The following PRUNE2 variants were observed in gnomAD, a reference collection of about 807,000 sequenced individuals.
PRUNE2 encodes the protein prune homolog 2 with BCH domain.
Under a neutral mutation model 252.0 loss-of-function variants are expected in PRUNE2, and 164 were observed. That is an observed-to-expected ratio of 0.65 (90% confidence interval 0.57 to 0.74). PRUNE2 has a LOEUF of 0.74. Among genes scored for constraint, PRUNE2 ranks in the 30% least tolerant of loss-of-function variants. The pLI is 0.00. For synonymous variants in PRUNE2, 1,292 were observed against 1,350.2 expected (o/e 0.96, Z 0.94); for missense variants, 3,495 against 3,711.0 (o/e 0.94, Z 1.51).
intron 6 of PRUNE2, among the ~76,000 whole-genome samples, chr9:76,815,831 C>T (rs1475671288): frequency 6.6e-6 from 1 of 152,078 alleles, no homozygotes. Flanking sequence ...ACAGAAACAT[C>T]AAGTTGTCTC....
chr9:76,696,619 T>C (rs1323462089), intron 9 of PRUNE2, among the ~76,000 whole-genome samples: 3 of 152,132 alleles, frequency 2.0e-5, no homozygotes, highest in Non-Finnish European at 4.4e-5. Flanking sequence ...AGAGACGGGG[T>C]TTCTCCATGT....
intron 1 of PRUNE2, among the ~76,000 whole-genome samples, chr9:76,861,021 G>A (rs972092137): frequency 1.3e-5 from 2 of 152,160 alleles, no homozygotes; most frequent in African/African-American, 4.8e-5. Flanking sequence ...ATGGGAAGGA[G>A]GAGACCTAAC....
intron 4 of PRUNE2, among the ~76,000 whole-genome samples, chr9:76,836,183 C>T (rs1487998440): frequency 6.6e-6 from 1 of 151,552 alleles, no homozygotes; most frequent in African/African-American, 2.4e-5. Flanking sequence ...TTAAATTTGG[C>T]AGTAGTCCTC....
intron 16 of PRUNE2, among the ~76,000 whole-genome samples, chr9:76,626,569 G>T (rs1411933521): frequency 6.6e-6 from 1 of 152,184 alleles, no homozygotes; most frequent in Non-Finnish European, 1.5e-5. Context: ...TTTCCAACTA[G>T]AACCCTTCCT....
intron 1 of PRUNE2, among the ~76,000 whole-genome samples, chr9:76,878,400 C>G (rs1029915057): frequency 1.3e-5 from 2 of 152,154 alleles, no homozygotes. Flanking sequence ...TTTTTCTCAT[C>G]TAGAGTCAGG....
chr9:76,731,972 C>T (rs1254188850), intron 6 of PRUNE2, among the ~76,000 whole-genome samples: 4 of 152,218 alleles, frequency 2.6e-5, no homozygotes, highest in Non-Finnish European at 4.4e-5. Flanking sequence ...CCACCACTAG[C>T]AAGCATCAGG....
chr9:76,834,857 A>G (rs2058867062), intron 4 of PRUNE2, among the ~76,000 whole-genome samples: 1 of 152,198 alleles, frequency 6.6e-6, no homozygotes, highest in African/African-American at 2.4e-5. Context: ...TTTAGTTACA[A>G]ACTTATTTTT....
chr9:76,896,050 T>C (rs980763505), intron 1 of PRUNE2, among the ~76,000 whole-genome samples: 8 of 152,210 alleles, frequency 5.3e-5, no homozygotes, highest in Non-Finnish European at 1.0e-4. Flanking sequence ...GCTGGGATTA[T>C]TGGCATGAGC....
At chr9:76,760,157 C>T (rs2051561431) in intron 6 of PRUNE2, 1 of 152,198 alleles carries the variant, frequency 6.6e-6, no homozygotes, top group South Asian at 2.1e-4. Flanking sequence ...CTTCCTCTTC[C>T]CTGGGTACCT....
chr9:76,898,917 C>T (rs1343395), intron 1 of PRUNE2, among the ~76,000 whole-genome samples: 38,965 of 152,124 alleles, frequency 0.26, 7,807 homozygotes, highest in African/African-American at 0.56. Flanking sequence ...ACCATGATCA[C>T]GCTCCACCAC....
At chr9:76,666,721 T>C (rs1397481395) in intron 9 of PRUNE2, among the ~76,000 whole-genome samples, 1 of 152,116 alleles carries the variant, frequency 6.6e-6, no homozygotes, top group East Asian at 1.9e-4. Flanking sequence ...GTCTTGGTGG[T>C]AGTGGTCCCC....
intron 1 of PRUNE2, among the ~76,000 whole-genome samples, chr9:76,855,284 C>T (rs1052907349): frequency 1.8e-4 from 28 of 151,744 alleles, no homozygotes; most frequent in Non-Finnish European, 3.2e-4. Flanking sequence ...AACAACTTTA[C>T]GGTATGTCAG....
At chr9:76,677,983 G>A (rs1452174502) in intron 9 of PRUNE2, among the ~76,000 whole-genome samples, 3 of 152,178 alleles carry the variant, frequency 2.0e-5, no homozygotes, top group Non-Finnish European at 4.4e-5. Context: ...TTATGCCAGC[G>A]TTTGCCAGAG....
intron 9 of PRUNE2, among the ~76,000 whole-genome samples, chr9:76,687,157 C>T (rs2044184986): frequency 6.6e-6 from 1 of 152,240 alleles, no homozygotes; most frequent in Non-Finnish European, 1.5e-5. Flanking sequence ...TCAATGATCT[C>T]TACTGACCTT....
At chr9:76,767,451 C>CA (rs33948203) in intron 6 of PRUNE2, among the ~76,000 whole-genome samples, 68,690 of 146,342 alleles carry the variant, frequency 0.47, 16,307 homozygotes, top group East Asian at 0.66. Context: ...AACTCTGTCT[C>CA]AAAAAAAAAA....
chr9:76,647,155 G>T (rs1199523047), intron 11 of PRUNE2, among the ~76,000 whole-genome samples: 1 of 152,210 alleles, frequency 6.6e-6, no homozygotes, highest in Non-Finnish European at 1.5e-5. Flanking sequence ...CTGTCTGGGT[G>T]ACAGAGTGAG....
intron 15 of PRUNE2, among the ~76,000 whole-genome samples, chr9:76,630,821 C>G (rs1000216593): frequency 6.6e-6 from 1 of 152,180 alleles, no homozygotes; most frequent in Non-Finnish European, 1.5e-5. Context: ...CCTCTGCACC[C>G]GGCCTGCATT....
chr9:76,847,329 GAA>G (rs767360854), intron 3 of PRUNE2, among the ~76,000 whole-genome samples: 10 of 128,716 alleles, frequency 7.8e-5, no homozygotes, highest in South Asian at 2.5e-4. Flanking sequence ...CTGTCTCAGG[GAA>G]AAAAAAAAAA....
At chr9:76,713,966 CAAAG>C (rs775374343) in intron 6 of PRUNE2, among the ~76,000 whole-genome samples, 1 of 152,102 alleles carries the variant, frequency 6.6e-6, no homozygotes, top group Non-Finnish European at 1.5e-5. Flanking sequence ...ATAGTTTAGA[CAAAG>C]AACAGATATC....
Sources: allele counts gnomAD v4.1 joint callset (sites outside exome capture counted in the v4.1 genomes callset), GRCh38; gene constraint gnomAD v4.1.1; transcripts MANE v1.5; gene names NCBI Gene and HGNC (gene_info 2026-07-23, HGNC 2026-07-21).